Variants in FCRL5 observed in about 807,000 individuals in gnomAD.
FCRL5 encodes Fc receptor like 5.
A neutral mutation model predicts 92.1 loss-of-function variants in FCRL5; 79 were observed. The observed-to-expected ratio is 0.86, with a 90% confidence interval of 0.72 to 1.03. FCRL5 has a LOEUF of 1.03. FCRL5 is among the 50% of genes least tolerant of loss of function. The pLI is 0.00. For synonymous variants in FCRL5, 466 were observed against 469.3 expected, an observed-to-expected ratio of 0.99 and a Z score of 0.09; for missense variants, 1,160 against 1,181.1, an observed-to-expected ratio of 0.98 and a Z score of 0.26.
chr1:157,549,163 T>C (rs575381672), intron 2 of FCRL5, among the ~76,000 whole-genome samples: 45 of 151,902 alleles, frequency 3.0e-4, no homozygotes, highest in African/African-American at 1.0e-3. Context: ...GAAACTGTCA[T>C]TCTCAGCAAA....
chr1:157,527,580 TC>T (rs765562760), intron 9 of FCRL5, 36 bp downstream of exon 9: 1 of 1,534,716 alleles, frequency 6.5e-7, no homozygotes. Flanking sequence ...GGGGAGATGG[TC>T]TTTTTATTTT....
intron 13 of FCRL5, among the ~76,000 whole-genome samples, chr1:157,519,248 A>G (rs574162357): frequency 2.0e-4 from 31 of 152,194 alleles, no homozygotes; most frequent in Non-Finnish European, 3.5e-4. Flanking sequence ...TGTGGCTCCT[A>G]AAGTCAGCCT....
chr1:157,547,474 G>A, intron 2 of FCRL5: 1 of 591,774 alleles, frequency 1.7e-6, no homozygotes, highest in Admixed American at 2.3e-5. Context: ...TTACATGGAA[G>A]TGGGTCCCAG....
intron 7 of FCRL5, 80 bp downstream of exon 7, chr1:157,539,006 G>A: frequency 1.4e-6 from 2 of 1,439,872 alleles, no homozygotes; most frequent in Non-Finnish European, 1.9e-6. Flanking sequence ...ATACTAGAAG[G>A]TACACGCTGA....
intron 2 of FCRL5, among the ~76,000 whole-genome samples, chr1:157,547,842 A>T (rs1191933617): frequency 2.6e-5 from 4 of 152,226 alleles, no homozygotes; most frequent in Non-Finnish European, 5.9e-5. Flanking sequence ...TTATCCACTC[A>T]GAGCCAAAGG....
At chr1:157,542,648 A>G (rs968863750) in intron 6 of FCRL5, 2 of 564,984 alleles carry the variant, frequency 3.5e-6, no homozygotes, top group African/African-American at 3.7e-5. Flanking sequence ...CCACTGCACC[A>G]TCAGGCAGGG....
Position 157,524,318 on chromosome 1 carries a change from C to T in FCRL5, c.2200G>A (p.Glu734Lys). The change falls in exon 10 of 17, where the codon GAG becomes AAG. Residue 734 changes from glutamate (E) to lysine (K), a missense_variant. Glu to Lys is a moderately conservative substitution (Grantham distance 56). Transcript: ENST00000361835. ...IYSCEADNGL[E>K]AQRSEMVTLK... ...GTCACCATCTCACTGCGCTGGGCCT[C>T]CAGACCATTGTCTGCCTCACAGGAG... is the stretch of plus-strand genomic sequence containing the variant. The T allele has an allele frequency of 1.2e-6, 2 of 1,614,276 alleles. No individual in the cohort carries two copies. The highest frequency in any genetic ancestry group is 2.2e-5 in the East Asian group (1 of 44,894).
At chr1:157,533,499 A>AT (rs1241311308) in intron 8 of FCRL5, 1 of 151,908 alleles carries the variant, frequency 6.6e-6, no homozygotes, top group Non-Finnish European at 1.5e-5. Flanking sequence ...TTGCTAGATG[A>AT]TTTTTTTAAA....
At position 157,520,556 on chromosome 1, in the gene FCRL5, G is replaced by C; in HGVS notation, c.2516-9C>G. On this transcript the variant is annotated splice_polypyrimidine_tract_variant and intron_variant, in intron 11 of 16. Transcript: ENST00000361835. The stretch of plus-strand genomic sequence containing the variant: ...TCTGTTCGCGGTCAGCCCTGAGGGG[G>C]AGACCCTGTGTGTGAGCCAGAGGAG... The C allele has an allele frequency of 6.3e-7, 1 of 1,577,040 alleles. No individual in the cohort carries two copies. The highest frequency in any genetic ancestry group is 8.6e-7 in the Non-Finnish European group (1 of 1,159,446).
At chr1:157,516,589 A>T (rs1649944811) in intron 15 of FCRL5, among the ~76,000 whole-genome samples, 1 of 152,252 alleles carries the variant, frequency 6.6e-6, no homozygotes, top group Non-Finnish European at 1.5e-5. Context: ...ATCCATACAA[A>T]TATAGTGTAT....
chr1:157,552,232 C>T (rs560775550), intron 1 of FCRL5, 100 bp downstream of exon 1: 1 of 1,163,158 alleles, frequency 8.6e-7, no homozygotes, highest in Non-Finnish European at 1.3e-6. Context: ...AGGAGAGAGT[C>T]TCTCAGCAGG....
At chr1:157,544,571 C>G (rs1384134835) in intron 4 of FCRL5, 25 bp from the exon 5 acceptor site, 1 of 1,607,794 alleles carries the variant, frequency 6.2e-7, no homozygotes, top group Admixed American at 1.7e-5. Flanking sequence ...CACAACAGTC[C>G]CAGAGCAATG....
At position 157,544,553 on chromosome 1, in the gene FCRL5, A is replaced by G. The variant is rs1379998903; in HGVS notation, c.560-7T>C. ...ACTGGACGTGTAAATGGCTCTAGAG[A>G]GAAGAATCACAACAGTCCCAGAGCA... On this transcript the variant is annotated splice_region_variant and splice_polypyrimidine_tract_variant and intron_variant, in intron 4 of 16. Coordinates refer to ENST00000361835, the MANE Select transcript of FCRL5 (RefSeq NM_031281.3). 4 of 1,611,996 alleles carry G rather than the reference A, an allele frequency of 2.5e-6. No homozygotes were observed. In the African/African-American group the frequency reaches 4.0e-5, roughly 16 times the overall value.
At chr1:157,545,654 G>A (rs1324441887) in intron 3 of FCRL5, among the ~76,000 whole-genome samples, 1 of 143,692 alleles carries the variant, frequency 7.0e-6, no homozygotes, top group African/African-American at 2.6e-5. Context: ...TCAGCCTCCC[G>A]AGTAGCTGGG....
rs553715127 is a variant in FCRL5, at chr1:157,527,911, A to T, written c.1682-16T>A. 4.6e-5 allele frequency: 71 copies of T among 1,537,658 alleles called. No homozygotes were observed. In the South Asian group the frequency reaches 8.6e-4, roughly 19 times the overall value. ...GACACTGGAACTGAGAGAGAAAATG[A>T]GTTAGGGACACATGTATTTTTAAAA... On this transcript the variant is annotated splice_polypyrimidine_tract_variant and intron_variant, in intron 8 of 16. Coordinates refer to ENST00000361835, the MANE Select transcript of FCRL5 (RefSeq NM_031281.3).
rs60900939 is a variant in FCRL5 at position 157,545,098 on chromosome 1, T to C, written c.308-16A>G. 789 of 1,608,076 alleles carry C rather than the reference T, an allele frequency of 4.9e-4. 10 individuals are homozygous for C. The African/African-American group carries it at 9.0e-3, about 18-fold the overall frequency. ...ATCAGCGAAGCTATGAGAAACACAA[T>C]AGAGTTATTTGGTTCATCCTACTGT... On this transcript the variant is annotated splice_polypyrimidine_tract_variant and intron_variant, in intron 3 of 16. Transcript: ENST00000361835.
At position 157,521,258 on chromosome 1, in the gene FCRL5, A is replaced by G. The variant is rs1650177646; in HGVS notation, c.2274T>C (p.Ala758=). The G allele has an allele frequency of 6.2e-7, 1 of 1,613,710 alleles. No individual in the cohort carries two copies. The highest frequency in any genetic ancestry group is 1.7e-5 in the Admixed American group (1 of 59,948). Residue 758 remains alanine (A), a synonymous_variant, in exon 11 of 17, where the codon GCT becomes GCC. Transcript: ENST00000361835. ...CCCCCACCGCAGCATGGGTCCCGGG[A>G]GCCCTGAGGGTGAGGACCGGGCGAG... ...PVSRPVLTLR[A]PGTHAAVGDL... is the part of the protein sequence containing the mutation.
chr1:157,534,459 G>T (rs1650843483), intron 8 of FCRL5, 155 bp downstream of exon 8: 5 of 850,850 alleles, frequency 5.9e-6, no homozygotes, highest in Non-Finnish European at 9.8e-6. Flanking sequence ...GGACTTATGA[G>T]TACGGAAAAC....
intron 9 of FCRL5, among the ~76,000 whole-genome samples, chr1:157,526,759 T>C (rs1045123249): frequency 1.3e-5 from 2 of 151,566 alleles, no homozygotes; most frequent in African/African-American, 4.9e-5. Flanking sequence ...TTAGTGGAGG[T>C]ATTAATGACC....
Sources: gnomAD v4.1 joint callset for allele counts (sites outside exome capture counted in the v4.1 genomes callset) on GRCh38, gnomAD v4.1.1 for gene constraint, MANE v1.5 for transcripts, NCBI Gene and HGNC (gene_info 2026-07-23, HGNC 2026-07-21) for gene names.